Variants in SLC4A4 observed in about 807,000 individuals in gnomAD.
SLC4A4 encodes the protein electrogenic sodium bicarbonate cotransporter 1.
In SLC4A4, 27 loss-of-function variants were observed where a neutral mutation model predicts 111.5. The observed-to-expected ratio is 0.24, with a 90% CI of 0.18 to 0.33. SLC4A4 has a LOEUF of 0.33. Among genes scored for constraint, SLC4A4 ranks in the 10% least tolerant of loss-of-function variants. The probability of loss-of-function intolerance (pLI) is 1.00; values close to 1 mark genes in which losing one functional copy is unlikely to be tolerated. For synonymous variants in SLC4A4, 443 were observed against 463.4 expected (o/e 0.96, Z 0.57); for missense variants, 909 against 1,315.5 (o/e 0.69, Z 4.78).
chr4:71,210,090 G>T (rs1718039757), intron 1 of SLC4A4, among the ~76,000 whole-genome samples: 1 of 152,178 alleles, frequency 6.6e-6, no homozygotes, highest in Non-Finnish European at 1.5e-5. Context: ...ACATATTTCT[G>T]GTGCTTTTTG....
rs1253434603 is a variant in SLC4A4, at chr4:71,103,363, G to A, written c.-2+10571G>A. On this transcript the variant is annotated intron_variant, in intron 2 of 26. Coordinates refer to the SLC4A4 transcript ENST00000649996. Reference sequence around the variant, plus strand: ...CACTGTCAACATTAGACAGATCAACGAGACAGAAAGTCAACAAGGATACCC... The same window carrying A: ...CACTGTCAACATTAGACAGATCAACAAGACAGAAAGTCAACAAGGATACCC... 2.1e-4 allele frequency among the ~76,000 whole-genome samples: 32 copies of A among 152,166 alleles called. No individual in the cohort carries two copies. The East Asian group carries it at 4.8e-3, about 23-fold the overall frequency.
chr4:71,392,907 C>CA (rs962020508), intron 6 of SLC4A4, among the ~76,000 whole-genome samples: 31 of 151,716 alleles, frequency 2.0e-4, no homozygotes, highest in African/African-American at 6.8e-4. Flanking sequence ...GAATTAAAAA[C>CA]AAAAAAAATC....
At chr4:71,112,688 C>T (rs1210786382) in intron 2 of SLC4A4, among the ~76,000 whole-genome samples, 1 of 152,118 alleles carries the variant, frequency 6.6e-6, no homozygotes, top group Non-Finnish European at 1.5e-5. Flanking sequence ...AATTCAAATA[C>T]CCCGCTCCAA....
chr4:71,071,267 TAA>T (rs149294430), intron 1 of SLC4A4, among the ~76,000 whole-genome samples: 3 of 139,190 alleles, frequency 2.2e-5, no homozygotes, highest in Non-Finnish European at 3.1e-5. Flanking sequence ...GAGACCGTCT[TAA>T]AAAAAAAAAA....
intron 8 of SLC4A4, among the ~76,000 whole-genome samples, chr4:71,446,473 A>G (rs1214137052): frequency 1.3e-5 from 2 of 152,164 alleles, no homozygotes; most frequent in Non-Finnish European, 2.9e-5. Context: ...TCAGTTGGGC[A>G]GGTAGTATTA....
intron 2 of SLC4A4, among the ~76,000 whole-genome samples, chr4:71,139,172 C>T (rs1460614536): frequency 3.1e-5 from 4 of 128,536 alleles, no homozygotes; most frequent in African/African-American, 5.9e-5. Flanking sequence ...ACTAAATTCC[C>T]TTTTCTTTGT....
chr4:71,136,255 A>T (rs1198624650), intron 2 of SLC4A4, among the ~76,000 whole-genome samples: 2 of 152,238 alleles, frequency 1.3e-5, no homozygotes. Context: ...TTGACAAACC[A>T]GAGACCAGCA....
At chr4:71,070,826 T>C (rs1050375938) in intron 1 of SLC4A4, among the ~76,000 whole-genome samples, 1 of 152,134 alleles carries the variant, frequency 6.6e-6, no homozygotes, top group African/African-American at 2.4e-5. Flanking sequence ...TGGTGCTAAG[T>C]GGAGTGGGAG....
chr4:71,435,211 A>G (rs535563789), intron 7 of SLC4A4, among the ~76,000 whole-genome samples: 67 of 152,332 alleles, frequency 4.4e-4, no homozygotes, highest in African/African-American at 1.6e-3. Flanking sequence ...CAAAACAGAT[A>G]TATAGAACAA....
intron 1 of SLC4A4, among the ~76,000 whole-genome samples, chr4:71,092,353 T>C (rs1360979194): frequency 6.6e-6 from 1 of 152,324 alleles, no homozygotes; most frequent in East Asian, 1.9e-4. Context: ...TACATTTTCT[T>C]ATACAAACTT....
At chr4:71,208,350 G>T (rs1228299572) in intron 1 of SLC4A4, among the ~76,000 whole-genome samples, 2 of 151,540 alleles carry the variant, frequency 1.3e-5, no homozygotes. Flanking sequence ...AGAATGGTGT[G>T]AACCCGGGAG....
At chr4:71,372,119 G>T (rs147918753) in intron 6 of SLC4A4, among the ~76,000 whole-genome samples, 73 of 152,286 alleles carry the variant, frequency 4.8e-4, no homozygotes, top group African/African-American at 1.7e-3. Context: ...TATCTTTAAA[G>T]ATTTTAGCAA....
intron 2 of SLC4A4, among the ~76,000 whole-genome samples, chr4:71,108,241 A>G (rs1203105018): frequency 2.6e-5 from 4 of 152,192 alleles, no homozygotes; most frequent in Non-Finnish European, 5.9e-5. Context: ...TATTTTTATT[A>G]CAATCTTATT....
At chr4:71,128,193 TG>T (rs1228742107) in intron 2 of SLC4A4, among the ~76,000 whole-genome samples, 1 of 152,170 alleles carries the variant, frequency 6.6e-6, no homozygotes, top group Admixed American at 6.5e-5. Context: ...CTCACAATCA[TG>T]GTGGAAGGCA....
chr4:71,109,520 G>A (rs912710935), intron 2 of SLC4A4, among the ~76,000 whole-genome samples: 1 of 151,752 alleles, frequency 6.6e-6, no homozygotes, highest in African/African-American at 2.4e-5. Flanking sequence ...TGGAGGACAG[G>A]GTCCTTTATT....
At chr4:71,196,167 ACT>A (rs1288863378) in intron 1 of SLC4A4, among the ~76,000 whole-genome samples, 1 of 152,104 alleles carries the variant, frequency 6.6e-6, no homozygotes, top group Non-Finnish European at 1.5e-5. Context: ...ACCTCTGGAG[ACT>A]CTGTCCTTAG....
rs1370124409 is a variant in SLC4A4, at chr4:71,451,287, G to T, written c.1308G>T (p.Leu436Phe). ...GGGGHGDCEE[L>F]QRTGRFCGGL... is the part of the protein sequence containing the mutation. ...GAGGACATGGGGATTGTGAAGAATT[G>T]CAGCGAACTGGACGGTAACTGACAG... The change falls in exon 11 of 26, where the codon TTG becomes TTT. Residue 436 changes from leucine (L) to phenylalanine (F), a missense_variant. Around this residue, in one of 7 missense-constraint regions of SLC4A4, gnomAD observed 312 missense variants for 402.0 expected, o/e 0.78. Transcript: ENST00000264485. 1 of 1,607,706 alleles carries T rather than the reference G, an allele frequency of 6.2e-7. No individual in the cohort carries two copies. The highest frequency in any genetic ancestry group is 2.2e-5 in the East Asian group (1 of 44,842).
intron 3 of SLC4A4, among the ~76,000 whole-genome samples, chr4:71,337,534 T>C (rs1309555336): frequency 1.3e-5 from 2 of 152,284 alleles, no homozygotes; most frequent in East Asian, 3.9e-4. Context: ...TTCTCAGTTA[T>C]AAACAATGCT....
intron 1 of SLC4A4, among the ~76,000 whole-genome samples, chr4:71,088,017 C>A (rs1169290111): frequency 6.6e-6 from 1 of 151,952 alleles, no homozygotes; most frequent in Non-Finnish European, 1.5e-5. Context: ...TTAAAATCTC[C>A]CATTATTATT....
Sources: gnomAD v4.1 joint callset for allele counts (sites outside exome capture counted in the v4.1 genomes callset) on GRCh38, gnomAD v4.1.1 for gene constraint, gnomAD v4.1.1 regional missense constraint, MANE v1.5 for transcripts, NCBI Gene and HGNC (gene_info 2026-07-23, HGNC 2026-07-21) for gene names.